The following THEMIS variants were observed in gnomAD, a reference collection of about 807,000 sequenced individuals.
THEMIS encodes protein THEMIS.
In THEMIS, 37 loss-of-function variants were observed where a neutral mutation model predicts 52.6. The ratio of observed to expected loss-of-function variants is 0.70; its 90% confidence interval spans 0.54 to 0.93. THEMIS has a LOEUF of 0.93. Among genes scored for constraint, THEMIS ranks in the 40% least tolerant of loss-of-function variants. THEMIS has a pLI of 0.00. For synonymous variants in THEMIS, 292 were observed against 272.7 expected, an observed-to-expected ratio of 1.07 and a Z score of -0.70; for missense variants, 808 against 763.1, an observed-to-expected ratio of 1.06 and a Z score of -0.69.
At chr6:127,903,257 CAA>C (rs1300094974), upstream of THEMIS, among the ~76,000 whole-genome samples, 1 of 151,770 alleles carries the variant, frequency 6.6e-6, no homozygotes, top group African/African-American at 2.4e-5. Flanking sequence ...GACACACAGG[CAA>C]AAAAATCCTG....
At chr6:127,866,896 C>A (rs1779995953) in intron 1 of THEMIS, among the ~76,000 whole-genome samples, 1 of 151,576 alleles carries the variant, frequency 6.6e-6, no homozygotes, top group East Asian at 1.9e-4. Flanking sequence ...CTAGTAGACA[C>A]TAATGCCAGG....
At chr6:127,898,386 C>T (rs922188807) in intron 1 of THEMIS, among the ~76,000 whole-genome samples, 1 of 151,730 alleles carries the variant, frequency 6.6e-6, no homozygotes, top group African/African-American at 2.4e-5. Flanking sequence ...CAATAAAAAT[C>T]CCAGTTAGAT....
intron 5 of THEMIS, among the ~76,000 whole-genome samples, chr6:127,716,864 T>G (rs955797354): frequency 5.9e-5 from 9 of 151,866 alleles, no homozygotes; most frequent in South Asian, 4.1e-4. Context: ...CATCCATGTC[T>G]CTACACAATT....
At chr6:127,790,418 AAAC>A (rs2114520722) in intron 4 of THEMIS, among the ~76,000 whole-genome samples, 1 of 152,356 alleles carries the variant, frequency 6.6e-6, no homozygotes, top group Non-Finnish European at 1.5e-5. Flanking sequence ...CACTTAGAAG[AAAC>A]AACTTTATTT....
At chr6:127,800,535 G>C (rs1365690468) in intron 4 of THEMIS, among the ~76,000 whole-genome samples, 1 of 152,168 alleles carries the variant, frequency 6.6e-6, no homozygotes. Context: ...ATCTGCGTTG[G>C]TTAATACTGA....
chr6:127,728,574 C>G (rs1383297058), intron 4 of THEMIS, among the ~76,000 whole-genome samples: 1 of 152,098 alleles, frequency 6.6e-6, no homozygotes, highest in African/African-American at 2.4e-5. Flanking sequence ...CATTCCCTTT[C>G]CATTGTTGTA....
chr6:127,726,561 T>C (rs1774554369), intron 4 of THEMIS, among the ~76,000 whole-genome samples: 1 of 152,150 alleles, frequency 6.6e-6, no homozygotes, highest in South Asian at 2.1e-4. Flanking sequence ...AGATTAACAG[T>C]ACTCATATTT....
At chr6:127,796,307 A>G (rs994584520) in intron 4 of THEMIS, among the ~76,000 whole-genome samples, 1 of 152,208 alleles carries the variant, frequency 6.6e-6, no homozygotes, top group Non-Finnish European at 1.5e-5. Flanking sequence ...ATTAGGGATT[A>G]GAACTTTTAC....
intron 5 of THEMIS, among the ~76,000 whole-genome samples, chr6:127,710,455 G>A (rs1023872234): frequency 2.0e-4 from 30 of 151,956 alleles, no homozygotes; most frequent in African/African-American, 7.2e-4. Context: ...AACAGGCTTT[G>A]GCTGTGGCAC....
At chr6:127,758,394 C>T (rs543113455) in intron 4 of THEMIS, among the ~76,000 whole-genome samples, 1 of 147,652 alleles carries the variant, frequency 6.8e-6, no homozygotes, top group Admixed American at 6.8e-5. Context: ...AAAACCCATT[C>T]CTTAACAATT....
At chr6:127,889,524 T>C (rs945054930) in intron 1 of THEMIS, among the ~76,000 whole-genome samples, 11 of 152,102 alleles carry the variant, frequency 7.2e-5, no homozygotes, top group Non-Finnish European at 1.2e-4. Context: ...GGGCCACATA[T>C]TCCAAAGAGT....
chr6:127,812,012 T>C (rs1228828635), intron 4 of THEMIS, among the ~76,000 whole-genome samples: 1 of 152,244 alleles, frequency 6.6e-6, no homozygotes, highest in Non-Finnish European at 1.5e-5. Flanking sequence ...TTTCTAAGCA[T>C]AGAGAGTAAA....
chr6:127,846,784 T>C (rs966473313), intron 2 of THEMIS, among the ~76,000 whole-genome samples: 2 of 151,774 alleles, frequency 1.3e-5, no homozygotes, highest in Non-Finnish European at 2.9e-5. Flanking sequence ...CCCTAAACAT[T>C]CTATGTAGCC....
At chr6:127,737,827 C>A (rs780724252) in intron 4 of THEMIS, among the ~76,000 whole-genome samples, 4 of 152,146 alleles carry the variant, frequency 2.6e-5, no homozygotes, top group African/African-American at 9.7e-5. Context: ...GTACCTCTAA[C>A]AAATTCATAC....
At chr6:127,775,742 T>C (rs1057411443) in intron 4 of THEMIS, among the ~76,000 whole-genome samples, 1 of 152,222 alleles carries the variant, frequency 6.6e-6, no homozygotes, top group Non-Finnish European at 1.5e-5. Flanking sequence ...TATTTACTCT[T>C]TAATATCTGG....
At chr6:127,809,549 A>T (rs1777829534) in intron 4 of THEMIS, among the ~76,000 whole-genome samples, 1 of 152,268 alleles carries the variant, frequency 6.6e-6, no homozygotes, top group African/African-American at 2.4e-5. Flanking sequence ...AGAAAATATA[A>T]TGCTTTATCT....
chr6:127,917,507 C>A (rs1345120100), intron 1 of THEMIS, among the ~76,000 whole-genome samples: 3 of 152,186 alleles, frequency 2.0e-5, no homozygotes, highest in Admixed American at 6.5e-5. Flanking sequence ...ACTCCAAAAT[C>A]AGCAGTGAGA....
At chr6:127,884,303 C>G (rs901137569) in intron 1 of THEMIS, among the ~76,000 whole-genome samples, 1 of 152,142 alleles carries the variant, frequency 6.6e-6, no homozygotes, top group African/African-American at 2.4e-5. Context: ...ATTTCTTTCA[C>G]TCATTTGCAA....
At chr6:127,869,235 G>A (rs1016890668) in intron 1 of THEMIS, among the ~76,000 whole-genome samples, 2 of 152,160 alleles carry the variant, frequency 1.3e-5, no homozygotes, top group Admixed American at 6.6e-5. Context: ...AATATCTTAA[G>A]TTGAAAATGC....
Sources: gnomAD v4.1 joint callset for allele counts (sites outside exome capture counted in the v4.1 genomes callset) on GRCh38, gnomAD v4.1.1 for gene constraint, MANE v1.5 for transcripts, NCBI Gene and HGNC (gene_info 2026-07-23, HGNC 2026-07-21) for gene names.